Variants in ZMAT4 observed in about 807,000 individuals in gnomAD.
ZMAT4 encodes zinc finger matrin-type protein 4.
ZMAT4 carries 17 observed loss-of-function variants against 28.7 expected under a neutral mutation model. That is an observed-to-expected ratio of 0.59 (90% confidence interval 0.41 to 0.89). ZMAT4 has a LOEUF of 0.89. Among genes scored for constraint, ZMAT4 ranks in the 40% least tolerant of loss-of-function variants. The probability of loss-of-function intolerance (pLI) is 0.00; values close to 1 mark genes in which losing one functional copy is unlikely to be tolerated. For missense variants in ZMAT4, 240 were observed against 283.8 expected, an observed-to-expected ratio of 0.85 and a Z score of 1.11; for synonymous variants, 117 against 109.2, an observed-to-expected ratio of 1.07 and a Z score of -0.44.
chr8:40,809,333 G>C (rs1490863971), intron 2 of ZMAT4, among the ~76,000 whole-genome samples: 1 of 152,156 alleles, frequency 6.6e-6, no homozygotes, highest in Non-Finnish European at 1.5e-5. Context: ...GAGAAGGAGG[G>C]AGAGGGTCAT....
At chr8:40,691,202 T>A (rs915301958) in intron 4 of ZMAT4, among the ~76,000 whole-genome samples, 3 of 152,132 alleles carry the variant, frequency 2.0e-5, no homozygotes, top group Non-Finnish European at 4.4e-5. Context: ...AAATGTTTGA[T>A]TCATTAACTT....
chr8:40,674,781 T>C lies in ZMAT4; in HGVS notation c.500A>G (p.Lys167Arg). ...TCTTGCCGCATTCTTTTTGTGTTTCTTGCCATCATAATGTTGCTGGGCCAT... is the reference window on the plus strand; with the variant it reads ...TCTTGCCGCATTCTTTTTGTGTTTCCTGCCATCATAATGTTGCTGGGCCAT... ...PLMAQQHYDGKKHKKNAARVA... is the reference protein window; with the variant it reads ...PLMAQQHYDGRKHKKNAARVA... Residue 167 changes from lysine (K) to arginine (R), a missense_variant, in exon 5 of 7, where the codon AAG becomes AGG. Physicochemically the swap from Lys to Arg is conservative, Grantham distance 26. Transcript: ENST00000297737. 6.2e-7 allele frequency: 1 copy of C among 1,614,026 alleles called. No individual in the cohort carries two copies.
intron 2 of ZMAT4, among the ~76,000 whole-genome samples, chr8:40,802,558 A>C (rs1332304806): frequency 6.6e-6 from 1 of 152,150 alleles, no homozygotes; most frequent in South Asian, 2.1e-4. Context: ...GAAGAAAATC[A>C]AAGATGAACT....
At chr8:40,719,712 G>A (rs912313457) in intron 3 of ZMAT4, among the ~76,000 whole-genome samples, 2 of 152,216 alleles carry the variant, frequency 1.3e-5, no homozygotes, top group South Asian at 2.1e-4. Context: ...AGGGACTACA[G>A]GTGTCCACCA....
At chr8:40,628,809 G>A (rs1223447057) in intron 5 of ZMAT4, among the ~76,000 whole-genome samples, 1 of 152,018 alleles carries the variant, frequency 6.6e-6, no homozygotes, top group Admixed American at 6.6e-5. Flanking sequence ...GGCTTAGACA[G>A]GATGAAAATA....
At chr8:40,752,137 C>A (rs1316086868) in intron 3 of ZMAT4, among the ~76,000 whole-genome samples, 1 of 152,168 alleles carries the variant, frequency 6.6e-6, no homozygotes, top group African/African-American at 2.4e-5. Flanking sequence ...CTTCCTCATT[C>A]CCCCAGGAAG....
At chr8:40,660,929 T>C (rs1808165007) in intron 5 of ZMAT4, among the ~76,000 whole-genome samples, 1 of 152,208 alleles carries the variant, frequency 6.6e-6, no homozygotes, top group Admixed American at 6.5e-5. Flanking sequence ...GAAATCACAA[T>C]GATATGGACT....
At chr8:40,558,071 G>A (rs941392379) in intron 6 of ZMAT4, among the ~76,000 whole-genome samples, 6 of 152,090 alleles carry the variant, frequency 3.9e-5, no homozygotes, top group East Asian at 3.9e-4. Context: ...AGCAGGAAAC[G>A]CCAGTTAGGC....
At chr8:40,777,977 T>A (rs1224626734) in intron 2 of ZMAT4, among the ~76,000 whole-genome samples, 1 of 152,250 alleles carries the variant, frequency 6.6e-6, no homozygotes, top group Non-Finnish European at 1.5e-5. Flanking sequence ...TTTCTCTTGA[T>A]CCAACCCCAC....
At chr8:40,554,844 A>G (rs1290387217) in intron 6 of ZMAT4, among the ~76,000 whole-genome samples, 2 of 152,164 alleles carry the variant, frequency 1.3e-5, no homozygotes, top group African/African-American at 4.8e-5. Context: ...CCACTTTGAA[A>G]TAAACAACAC....
intron 1 of ZMAT4, among the ~76,000 whole-genome samples, chr8:40,844,673 G>A (rs1307663932): frequency 9.2e-5 from 14 of 151,426 alleles, no homozygotes; most frequent in Admixed American, 7.9e-4. Flanking sequence ...GTGTGTGTGT[G>A]TGTGTGTGTG....
At chr8:40,695,915 C>T (rs1368047014) in intron 4 of ZMAT4, among the ~76,000 whole-genome samples, 4 of 151,568 alleles carry the variant, frequency 2.6e-5, no homozygotes, top group Non-Finnish European at 5.9e-5. Flanking sequence ...TCTGCTTCAG[C>T]AGAGAGAACA....
intron 5 of ZMAT4, among the ~76,000 whole-genome samples, chr8:40,611,232 G>A (rs1442108317): frequency 6.6e-6 from 1 of 152,116 alleles, no homozygotes; most frequent in African/African-American, 2.4e-5. Context: ...TACAGGCCTA[G>A]CATATCAGCT....
At chr8:40,670,337 A>C (rs533268833) in intron 5 of ZMAT4, among the ~76,000 whole-genome samples, 6 of 152,346 alleles carry the variant, frequency 3.9e-5, no homozygotes, top group African/African-American at 1.4e-4. Context: ...TAAATATATA[A>C]AAATGAAATA....
At chr8:40,641,579 T>C (rs574077038) in intron 5 of ZMAT4, among the ~76,000 whole-genome samples, 307 of 152,336 alleles carry the variant, frequency 2.0e-3, no homozygotes, top group Non-Finnish European at 3.2e-3. Flanking sequence ...TGTACACAAC[T>C]TGATGCATTT....
chr8:40,582,922 A>C (rs1040753775), intron 5 of ZMAT4, among the ~76,000 whole-genome samples: 1 of 152,238 alleles, frequency 6.6e-6, no homozygotes, highest in Non-Finnish European at 1.5e-5. Flanking sequence ...GATGATAACT[A>C]TACCCACATT....
intron 1 of ZMAT4, among the ~76,000 whole-genome samples, chr8:40,865,257 C>T (rs1427832985): frequency 2.6e-5 from 4 of 152,116 alleles, no homozygotes; most frequent in African/African-American, 9.7e-5. Flanking sequence ...CTTACAAAGT[C>T]CAAGACAAAA....
At chr8:40,870,330 A>T (rs1362911928) in intron 1 of ZMAT4, among the ~76,000 whole-genome samples, 2 of 152,046 alleles carry the variant, frequency 1.3e-5, no homozygotes, top group Non-Finnish European at 2.9e-5. Context: ...AGCTTCAATC[A>T]TCTGACCCTT....
At chr8:40,781,563 C>A (rs1433683550) in intron 2 of ZMAT4, among the ~76,000 whole-genome samples, 1 of 150,940 alleles carries the variant, frequency 6.6e-6, no homozygotes, top group Non-Finnish European at 1.5e-5. Context: ...GAGTTCGAGA[C>A]CATCCCGGCT....
Sources: allele counts gnomAD v4.1 joint callset (sites outside exome capture counted in the v4.1 genomes callset), GRCh38; gene constraint gnomAD v4.1.1; transcripts MANE v1.5; gene names NCBI Gene and HGNC (gene_info 2026-07-23, HGNC 2026-07-21).